Variants in RASSF8 observed in about 807,000 individuals in gnomAD.
RASSF8 encodes ras association domain-containing protein 8.
RASSF8 carries 22 observed loss-of-function variants against 48.5 expected under a neutral mutation model. That is an observed-to-expected ratio of 0.45 (90% CI 0.32 to 0.65). The LOEUF (loss-of-function observed/expected upper bound fraction) is 0.65, where lower values mean the gene tolerates loss of function less well. RASSF8 is among the 30% of genes least tolerant of loss of function. The pLI is 0.03. For missense variants in RASSF8, 418 were observed against 489.2 expected (o/e 0.85, Z 1.37); for synonymous variants, 127 against 171.5 (o/e 0.74, Z 2.03).
chr12:25,994,296 T>A (rs1373050480), intron 1 of RASSF8, among the ~76,000 whole-genome samples: 1 of 151,450 alleles, frequency 6.6e-6, no homozygotes, highest in Non-Finnish European at 1.5e-5. Context: ...AAAAAAATGG[T>A]TGATGGAAGC....
At chr12:26,013,459 C>T (rs1942577785) in intron 2 of RASSF8, among the ~76,000 whole-genome samples, 1 of 152,196 alleles carries the variant, frequency 6.6e-6, no homozygotes, top group African/African-American at 2.4e-5. Context: ...TCCGCTGATT[C>T]TTTAAATCCT....
At chr12:25,977,202 A>G (rs1941626451) in intron 1 of RASSF8, among the ~76,000 whole-genome samples, 1 of 152,208 alleles carries the variant, frequency 6.6e-6, no homozygotes, top group Admixed American at 6.5e-5. Context: ...TCATTACACC[A>G]CAGCCTTCCA....
At position 26,072,736 on chromosome 12, in the gene RASSF8, A is replaced by G. The variant is rs1944024896; in HGVS notation, c.*3918A>G. 1 of 950,850 alleles carries G rather than the reference A, an allele frequency of 1.1e-6. No homozygotes were observed. Among genetic ancestry groups the G allele is most frequent in the Non-Finnish European group, 1.3e-6 (1 of 798,526 alleles). 58.9% of individuals were successfully genotyped at this position (950,850 alleles called of 1,614,324 possible). A position where few individuals can be genotyped will look rare whatever the true frequency, so the allele number is the denominator to read the frequency against. ...GCTTATGTACAAATAAATCTGTAAT[A>G]TGTATTATATGTAATTATCCTTTTC... On this transcript the variant is annotated 3_prime_UTR_variant, in exon 6 of 6. Transcript: ENST00000689635.
chr12:26,067,571 C>A lies in RASSF8; in HGVS notation c.996C>A (p.Asp332Glu). The change falls in exon 5 of 6, where the codon GAC becomes GAA. Residue 332 changes from aspartate (D) to glutamate (E), a missense_variant and splice_region_variant. By Grantham distance (45) the Asp-to-Glu change is conservative. Coordinates refer to ENST00000689635, the MANE Select transcript of RASSF8 (RefSeq NM_001394098.1). ...AAAAAATAATAATTTCCATCTAGGA[C>A]AAAGAACAGGAACTGGAGCAGTTGA... Reference protein sequence around the residue: ...SLGQATKRLQDKEQELEQLTK... With the variant: ...SLGQATKRLQEKEQELEQLTK... 1 of 1,612,370 alleles carries A rather than the reference C, an allele frequency of 6.2e-7. No individual in the cohort carries two copies. Among genetic ancestry groups the A allele is most frequent in the Non-Finnish European group, 8.5e-7 (1 of 1,178,968 alleles).
intron 2 of RASSF8, among the ~76,000 whole-genome samples, chr12:26,010,767 G>T (rs895671548): frequency 2.0e-5 from 3 of 151,996 alleles, no homozygotes; most frequent in Non-Finnish European, 4.4e-5. Flanking sequence ...GAGAGGGCGG[G>T]GAATGATTGA....
At chr12:25,983,399 G>C (rs192309308) in intron 1 of RASSF8, among the ~76,000 whole-genome samples, 17 of 152,312 alleles carry the variant, frequency 1.1e-4, no homozygotes, top group Non-Finnish European at 2.2e-4. Context: ...CCCACAGAAA[G>C]AAATTCACTT....
At chr12:26,043,213 A>G (rs1943303231) in intron 2 of RASSF8, among the ~76,000 whole-genome samples, 1 of 152,178 alleles carries the variant, frequency 6.6e-6, no homozygotes, top group African/African-American at 2.4e-5. Flanking sequence ...CCTCCACACC[A>G]AAAAACTGGG....
chr12:26,045,179 C>G (rs952158796), intron 2 of RASSF8, among the ~76,000 whole-genome samples: 4 of 152,106 alleles, frequency 2.6e-5, no homozygotes, highest in African/African-American at 7.2e-5. Flanking sequence ...TCTCTATGAA[C>G]TGAAATAGCC....
rs11831625 is a variant in RASSF8 at position 25,974,049 on chromosome 12, A to G, written c.-203+14901A>G. On this transcript the variant is annotated intron_variant, in intron 1 of 5. Coordinates refer to ENST00000689635, the MANE Select transcript of RASSF8 (RefSeq NM_001394098.1). ...AGGTTGCAGTTTGAGCAAAACAGAGAAGTTTGGGGCAAGTGTTGGCTAAGG... is the reference window on the plus strand; with the variant it reads ...AGGTTGCAGTTTGAGCAAAACAGAGGAGTTTGGGGCAAGTGTTGGCTAAGG... 6.0e-3 allele frequency among the ~76,000 whole-genome samples: 917 copies of G among 151,758 alleles called. 6 individuals carry two copies. The highest frequency in any genetic ancestry group is 0.022 in the African/African-American group (890 of 41,356).
upstream of RASSF8, chr12:25,958,294 G>C (rs1454353077): frequency 1.3e-5 from 2 of 151,884 alleles, no homozygotes; most frequent in South Asian, 2.1e-4. Context: ...GGACCGTCAC[G>C]AGCCACCGGT....
At chr12:26,014,673 G>A (rs1448055449) in intron 2 of RASSF8, among the ~76,000 whole-genome samples, 1 of 151,960 alleles carries the variant, frequency 6.6e-6, no homozygotes, top group African/African-American at 2.4e-5. Flanking sequence ...AATACTCATA[G>A]TTTGCCATGA....
chr12:26,074,018 G>A (rs1253865214), downstream of RASSF8, among the ~76,000 whole-genome samples: 1 of 151,684 alleles, frequency 6.6e-6, no homozygotes, highest in Non-Finnish European at 1.5e-5. Flanking sequence ...ATAATAGTAC[G>A]TTATAAAAGC....
rs1037932347 is a variant in RASSF8 at position 26,069,270 on chromosome 12, G to A, written c.*452G>A. ...CGTTACATATTGTGTGATTATGACC[G>A]TGTGCATGTTGCCAGACTCCATCCA... On this transcript the variant is annotated 3_prime_UTR_variant, in exon 6 of 6. Coordinates refer to ENST00000689635, the MANE Select transcript of RASSF8 (RefSeq NM_001394098.1). 1.0e-5 allele frequency: 10 copies of A among 984,664 alleles called. No homozygotes were observed. The highest frequency in any genetic ancestry group is 7.0e-5 in the African/African-American group (4 of 57,250). 61.0% of individuals were successfully genotyped at this position (984,664 alleles called of 1,614,324 possible).
Position 26,023,957 on chromosome 12 carries a change from A to G in RASSF8, c.-109+28827A>G, listed in dbSNP as rs115612291. On this transcript the variant is annotated intron_variant, in intron 2 of 5. Coordinates refer to ENST00000689635, the MANE Select transcript of RASSF8 (RefSeq NM_001394098.1). Reference sequence around the variant, plus strand: ...ACGAGGAATGGTAAATAAGATTAACATAGCAAATTCTGTCTATATGCTTGC... The same window carrying G: ...ACGAGGAATGGTAAATAAGATTAACGTAGCAAATTCTGTCTATATGCTTGC... Among the ~76,000 whole-genome samples, 1,455 of 152,332 alleles carry G rather than the reference A, an allele frequency of 9.6e-3. 17 individuals are homozygous for G. The highest frequency in any genetic ancestry group is 0.032 in the African/African-American group (1,340 of 41,570).
chr12:26,066,611 G>A (rs966122420), intron 4 of RASSF8, among the ~76,000 whole-genome samples: 4 of 152,118 alleles, frequency 2.6e-5, no homozygotes, highest in Non-Finnish European at 5.9e-5. Context: ...TGTTGCTTTT[G>A]ATATCACAGA....
At chr12:26,078,249 G>T (rs1484466705) in intron 5 of RASSF8, among the ~76,000 whole-genome samples, 1 of 152,166 alleles carries the variant, frequency 6.6e-6, no homozygotes, top group Non-Finnish European at 1.5e-5. Flanking sequence ...ATTGTGATTA[G>T]AATTAATGAG....
intron 2 of RASSF8, among the ~76,000 whole-genome samples, chr12:26,030,687 C>CT (rs34749872): frequency 0.016 from 2,287 of 147,088 alleles, 31 homozygotes; most frequent in Middle Eastern, 0.032. Context: ...CCGAAGTTAT[C>CT]TTTTTTTTTT....
In RASSF8 at chr12:26,072,738, G is replaced by A; in HGVS notation, c.*3920G>A. 3 of 951,492 alleles carry A rather than the reference G, an allele frequency of 3.2e-6. No homozygotes were observed. Among genetic ancestry groups the A allele is most frequent in the Non-Finnish European group, 2.5e-6 (2 of 799,210 alleles). 58.9% of individuals were successfully genotyped at this position (951,492 alleles called of 1,614,324 possible). On this transcript the variant is annotated 3_prime_UTR_variant, in exon 6 of 6. Transcript: ENST00000689635. ...TTATGTACAAATAAATCTGTAATAT[G>A]TATTATATGTAATTATCCTTTTCTT...
intron 2 of RASSF8, among the ~76,000 whole-genome samples, chr12:26,046,119 T>C (rs1418354366): frequency 6.6e-6 from 1 of 152,194 alleles, no homozygotes; most frequent in Non-Finnish European, 1.5e-5. Context: ...CCTCAGGGGT[T>C]GTATATTCCT....
Sources: gnomAD v4.1 joint callset for allele counts (sites outside exome capture counted in the v4.1 genomes callset) on GRCh38, gnomAD v4.1.1 for gene constraint, MANE v1.5 for transcripts, NCBI Gene and HGNC (gene_info 2026-07-23, HGNC 2026-07-21) for gene names.